RUNX2: variants seen among roughly 807,000 people sequenced by gnomAD.
RUNX2 encodes runt-related transcription factor 2.
A neutral mutation model predicts 51.7 loss-of-function variants in RUNX2; 10 were observed. That is an observed-to-expected ratio of 0.19 (90% CI 0.12 to 0.33). RUNX2 has a LOEUF of 0.33. RUNX2 is among the 10% of genes least tolerant of loss of function. RUNX2 has a pLI of 1.00. For missense variants in RUNX2, 562 were observed against 691.3 expected, an observed-to-expected ratio of 0.81 and a Z score of 2.10; for synonymous variants, 276 against 273.6, an observed-to-expected ratio of 1.01 and a Z score of -0.09.
chr6:45,448,255 C>T (rs1007547485), intron 5 of RUNX2, among the ~76,000 whole-genome samples: 1 of 152,012 alleles, frequency 6.6e-6, no homozygotes, highest in Non-Finnish European at 1.5e-5. Flanking sequence ...ACTTTTTATC[C>T]AAATTTATGT....
intron 2 of RUNX2, among the ~76,000 whole-genome samples, chr6:45,397,558 T>C (rs1331098870): frequency 6.6e-6 from 1 of 152,178 alleles, no homozygotes; most frequent in Non-Finnish European, 1.5e-5. Context: ...ATTATAGCCA[T>C]CCCAGTGGGT....
chr6:45,380,617 C>T (rs1432637688), intron 2 of RUNX2, among the ~76,000 whole-genome samples: 2 of 152,196 alleles, frequency 1.3e-5, no homozygotes, highest in Non-Finnish European at 2.9e-5. Flanking sequence ...CGCTCTGTCA[C>T]CCAGGCTGGA....
intron 5 of RUNX2, among the ~76,000 whole-genome samples, chr6:45,484,615 C>T (rs902223989): frequency 6.6e-6 from 1 of 152,132 alleles, no homozygotes; most frequent in South Asian, 2.1e-4. Context: ...GCGTGGCTTT[C>T]CTAAGAATGT....
intron 2 of RUNX2, among the ~76,000 whole-genome samples, chr6:45,395,791 A>G (rs1464682129): frequency 6.6e-6 from 1 of 152,068 alleles, no homozygotes; most frequent in Non-Finnish European, 1.5e-5. Context: ...CAGCCTCCCA[A>G]ATAGCTGGGA....
At chr6:45,340,886 T>C (rs775103379) in intron 2 of RUNX2, among the ~76,000 whole-genome samples, 2 of 152,138 alleles carry the variant, frequency 1.3e-5, no homozygotes, top group Non-Finnish European at 2.9e-5. Flanking sequence ...TTCCTATATT[T>C]ATCTGTAGCA....
At chr6:45,541,757 A>G (rs1013350157) in intron 7 of RUNX2, among the ~76,000 whole-genome samples, 3 of 152,142 alleles carry the variant, frequency 2.0e-5, no homozygotes, top group Non-Finnish European at 4.4e-5. Context: ...GGATGTGTGA[A>G]TGTACTGCAC....
At chr6:45,355,948 G>A (rs958850235) in intron 2 of RUNX2, among the ~76,000 whole-genome samples, 3 of 151,990 alleles carry the variant, frequency 2.0e-5, no homozygotes, top group African/African-American at 7.3e-5. Context: ...ACTAACCAGT[G>A]TAATACAGGA....
chr6:45,491,154 G>T (rs190732494), intron 5 of RUNX2, among the ~76,000 whole-genome samples: 3 of 152,006 alleles, frequency 2.0e-5, no homozygotes, highest in African/African-American at 7.3e-5. Context: ...AGATAGAAAG[G>T]CTCCCCCCCT....
chr6:45,428,360 C>G (rs1798441666), intron 3 of RUNX2, among the ~76,000 whole-genome samples: 1 of 152,114 alleles, frequency 6.6e-6, no homozygotes, highest in African/African-American at 2.4e-5. Context: ...AATTATACTT[C>G]TGATTGATAT....
intron 2 of RUNX2, among the ~76,000 whole-genome samples, chr6:45,405,217 G>A (rs1469614773): frequency 1.3e-5 from 2 of 152,196 alleles, no homozygotes; most frequent in East Asian, 3.8e-4. Context: ...GCAATTAAGT[G>A]TGAACTATTA....
chr6:45,425,203 T>C (rs187664290), intron 3 of RUNX2, among the ~76,000 whole-genome samples: 1 of 152,352 alleles, frequency 6.6e-6, no homozygotes, highest in East Asian at 1.9e-4. Flanking sequence ...ACCATTCTGC[T>C]AAACATATTT....
intron 6 of RUNX2, among the ~76,000 whole-genome samples, chr6:45,494,619 A>G (rs1471138504): frequency 6.6e-6 from 1 of 152,090 alleles, no homozygotes; most frequent in Admixed American, 6.6e-5. Flanking sequence ...TGGCCATGTG[A>G]GCTTTCTTTA....
intron 7 of RUNX2, among the ~76,000 whole-genome samples, chr6:45,520,857 A>G (rs1394857167): frequency 1.3e-5 from 2 of 152,026 alleles, no homozygotes; most frequent in African/African-American, 2.4e-5. Context: ...AGTAGCTGGG[A>G]TTGCAGGCAT....
At chr6:45,522,386 A>G (rs1801532665) in intron 7 of RUNX2, among the ~76,000 whole-genome samples, 1 of 152,196 alleles carries the variant, frequency 6.6e-6, no homozygotes, top group Non-Finnish European at 1.5e-5. Flanking sequence ...TTGCTCTATT[A>G]TAATAATTCA....
chr6:45,491,820 A>C, intron 5 of RUNX2, 121 bp from the exon 6 acceptor site: 2 of 1,013,410 alleles, frequency 2.0e-6, no homozygotes, highest in Non-Finnish European at 3.1e-6. Context: ...AAGTCATTAT[A>C]AATATTAATA....
chr6:45,412,187 C>A (rs369866348), intron 2 of RUNX2, among the ~76,000 whole-genome samples: 1,713 of 119,406 alleles, frequency 0.014, no homozygotes, highest in Non-Finnish European at 0.017. Context: ...ATAAAAAATA[C>A]AAAAAAAAAA....
At position 45,549,626 on chromosome 6, in the gene RUNX2, TA is replaced by T; in HGVS notation, c.*2327del. ...TATGTGTGTTTGTTTCAGCAGCACTTAAAAAAGCCAGTGTCTGGTTACACAT... is the reference window on the plus strand; with the variant it reads ...TATGTGTGTTTGTTTCAGCAGCACTTAAAAAGCCAGTGTCTGGTTACACAT... On this transcript the variant is annotated 3_prime_UTR_variant, in exon 9 of 9. Transcript: ENST00000647337. 2.7e-6 allele frequency: 1 copy of T among 367,244 alleles called. No homozygotes were observed. The highest frequency in any genetic ancestry group is 4.8e-6 in the Non-Finnish European group (1 of 206,698). 22.7% of individuals were successfully genotyped at this position (367,244 alleles called of 1,614,324 possible).
intron 2 of RUNX2, among the ~76,000 whole-genome samples, chr6:45,346,318 T>C (rs1211763060): frequency 6.6e-6 from 1 of 152,016 alleles, no homozygotes; most frequent in Non-Finnish European, 1.5e-5. Flanking sequence ...GCCCAATAAA[T>C]AAAATAGATT....
chr6:45,412,779 C>CT (rs1797978438), intron 2 of RUNX2, among the ~76,000 whole-genome samples: 2 of 151,872 alleles, frequency 1.3e-5, no homozygotes, highest in Admixed American at 6.6e-5. Context: ...GAGTCTCGCT[C>CT]TGTCATCCAG....
Sources: allele counts gnomAD v4.1 joint callset (sites outside exome capture counted in the v4.1 genomes callset), GRCh38; gene constraint gnomAD v4.1.1; transcripts MANE v1.5; gene names NCBI Gene and HGNC (gene_info 2026-07-23, HGNC 2026-07-21).